The following LTF variants were observed in gnomAD, a reference collection of about 807,000 sequenced individuals.
LTF encodes the protein lactotransferrin, also known as epididymis luminal protein 110.
Under a neutral mutation model 87.2 loss-of-function variants are expected in LTF, and 91 were observed. The ratio of observed to expected loss-of-function variants is 1.04; its 90% CI spans 0.88 to 1.24. The LOEUF (loss-of-function observed/expected upper bound fraction) is 1.24, where lower values mean the gene tolerates loss of function less well. Among genes scored for constraint, LTF ranks in the 50% most tolerant of loss-of-function variants. The pLI is 0.00. For synonymous variants in LTF, 378 were observed against 356.1 expected (o/e 1.06, Z -0.69); for missense variants, 901 against 904.3 (o/e 1.00, Z 0.05).
In LTF at chr3:46,481,746, G is replaced by A. The variant is rs370011899; in HGVS notation, c.-320+3240C>T. On this transcript the variant is annotated intron_variant, in intron 1 of 19. Transcript: ENST00000443496. ...AGCCTGGGAGACAGAGCAAGACTCC[G>A]TCAAAACAAAATAAAACAAAACTAA... 2.4e-4 allele frequency among the ~76,000 whole-genome samples: 36 copies of A among 152,256 alleles called. No individual in the cohort carries two copies. The East Asian group carries it at 2.7e-3, about 11-fold the overall frequency.
In LTF at chr3:46,454,499, G is replaced by T. The variant is rs966442843; in HGVS notation, c.648-139C>A. 1.8e-5 allele frequency: 14 copies of T among 790,954 alleles called. No individual in the cohort carries two copies. In the African/African-American group the frequency reaches 2.4e-4, roughly 14 times the overall value. 49.0% of individuals were successfully genotyped at this position (790,954 alleles called of 1,614,324 possible). A position where few individuals can be genotyped will look rare whatever the true frequency, so the allele number is the denominator to read the frequency against. ...GGCTCTGAAGCTTTGGGGCATCCCA[G>T]CTGGGAAGGTAGGGGCCCCCTCCAG... On this transcript the variant is annotated intron_variant, in intron 5 of 16. Coordinates refer to ENST00000231751, the MANE Select transcript of LTF (RefSeq NM_002343.6).
At chr3:46,450,400 C>A (rs1575314007) in intron 7 of LTF, 95 bp downstream of exon 7, 2 of 1,339,404 alleles carry the variant, frequency 1.5e-6, no homozygotes, top group East Asian at 5.0e-5. Context: ...AGCAAAGCTA[C>A]AGGACTTCTG....
chr3:46,448,714 C>T (rs1702719197), intron 9 of LTF, 149 bp downstream of exon 9: 1 of 848,288 alleles, frequency 1.2e-6, no homozygotes. Flanking sequence ...AACTAAAATG[C>T]TTTCTGGCCC....
intron 14 of LTF, among the ~76,000 whole-genome samples, chr3:46,440,205 A>T (rs1370582803): frequency 6.6e-6 from 1 of 152,120 alleles, no homozygotes; most frequent in Admixed American, 6.5e-5. Flanking sequence ...TAGAGTTCTT[A>T]TTTTTTTAAA....
At position 46,464,308 on chromosome 3, in the gene LTF, C is replaced by T. The variant is rs147123155; in HGVS notation, c.43+517G>A. Among the ~76,000 whole-genome samples, 6 of 152,308 alleles carry T rather than the reference C, an allele frequency of 3.9e-5. 1 individual carries two copies. Among genetic ancestry groups the T allele is most frequent in the South Asian group, 2.1e-4 (1 of 4,830 alleles). ...CACCGCACCCCTCCACAACCCTCTG[C>T]CACGGAAGGTGTGCGAATGCCCCAT... On this transcript the variant is annotated intron_variant, in intron 1 of 16. Transcript: ENST00000231751.
intron 15 of LTF, 62 bp from the exon 16 acceptor site, chr3:46,438,191 G>A (rs1702432390): frequency 6.6e-6 from 9 of 1,362,692 alleles, no homozygotes; most frequent in Non-Finnish European, 9.3e-6. Flanking sequence ...GTTAAAGGAG[G>A]CAAAGGGGTA....
chr3:46,446,936 G>A (rs1375773260), intron 10 of LTF, among the ~76,000 whole-genome samples: 1 of 152,222 alleles, frequency 6.6e-6, no homozygotes, highest in Non-Finnish European at 1.5e-5. Context: ...GCAGGAGTAA[G>A]GGGGCGGGGG....
chr3:46,439,224 T>C (rs1702455723), intron 15 of LTF, 72 bp downstream of exon 15: 2 of 1,443,400 alleles, frequency 1.4e-6, no homozygotes, highest in Non-Finnish European at 1.9e-6. Flanking sequence ...CTGGTGCACC[T>C]AGCTCTGTGA....
At chr3:46,474,689 C>T (rs1283734202) in intron 1 of LTF, among the ~76,000 whole-genome samples, 4 of 152,118 alleles carry the variant, frequency 2.6e-5, no homozygotes, top group Non-Finnish European at 5.9e-5. Context: ...CCAAGATAGA[C>T]CATTTCCTGG....
At chr3:46,454,117 T>G in intron 6 of LTF, 188 bp downstream of exon 6, 1 of 614,086 alleles carries the variant, frequency 1.6e-6, no homozygotes, top group East Asian at 2.7e-5. Context: ...AGAAAGGCAG[T>G]AGGCACAGGA....
At chr3:46,477,613 G>A (rs1023928895) in intron 1 of LTF, among the ~76,000 whole-genome samples, 1 of 152,190 alleles carries the variant, frequency 6.6e-6, no homozygotes, top group Non-Finnish European at 1.5e-5. Flanking sequence ...TCATAAAATT[G>A]TTAGAACTTA....
At chr3:46,480,090 C>A (rs1703413817) in intron 1 of LTF, among the ~76,000 whole-genome samples, 1 of 152,178 alleles carries the variant, frequency 6.6e-6, no homozygotes, top group Non-Finnish European at 1.5e-5. Context: ...CATGGTAAGA[C>A]TGACAGACCC....
intron 8 of LTF, among the ~76,000 whole-genome samples, chr3:46,449,348 G>C (rs1354542349): frequency 5.9e-5 from 9 of 152,182 alleles, no homozygotes; most frequent in Admixed American, 5.9e-4. Flanking sequence ...ACAGTCCCAA[G>C]AGATGGCCTA....
rs139737053 is a variant in LTF at position 46,443,487 on chromosome 3, C to T, written c.1609G>A (p.Val537Met). The T allele has an allele frequency of 1.0e-4, 166 of 1,614,178 alleles. No individual in the cohort carries two copies. In the African/African-American group the frequency reaches 1.6e-3, roughly 15 times the overall value. ...IGDEQGENKC[V>M]PNSNERYYGY... Reference sequence around the variant, plus strand: ...TAGTATCTCTCGTTGCTGTTGGGCACGCACTTATTCTCACCCTGCTCGTCG... The same window carrying T: ...TAGTATCTCTCGTTGCTGTTGGGCATGCACTTATTCTCACCCTGCTCGTCG... Residue 537 changes from valine to methionine, a missense_variant, in exon 13 of 17, where the codon GTG (valine) becomes ATG (methionine). Transcript: ENST00000231751.
intron 1 of LTF, among the ~76,000 whole-genome samples, chr3:46,471,390 G>A (rs1703284348): frequency 6.6e-6 from 1 of 152,200 alleles, no homozygotes; most frequent in South Asian, 2.1e-4. Flanking sequence ...GCCTGCCATA[G>A]GGAGGGGCTC....
At chr3:46,453,365 G>A (rs548976564) in intron 6 of LTF, among the ~76,000 whole-genome samples, 2 of 152,358 alleles carry the variant, frequency 1.3e-5, no homozygotes, top group South Asian at 4.1e-4. Context: ...CTTGCAGAGT[G>A]TCATTCCAGA....
Position 46,450,001 on chromosome 3 carries a change from T to C in LTF, c.910A>G (p.Lys304Glu). ...CTAGGGGAGCCAAAGAGCTGGAATT[T>C]CGGTGACTTGTCCTTTCCAAACTTT... ...QEKFGKDKSP[K>E]FQLFGSPSGQ... Residue 304 changes from lysine to glutamate, a missense_variant, in exon 8 of 17, where the codon AAA (lysine) becomes GAA (glutamate). Physicochemically the swap from Lys to Glu is moderately conservative, Grantham distance 56 (BLOSUM62 1). Transcript: ENST00000231751. 6.2e-7 allele frequency: 1 copy of C among 1,609,046 alleles called. No homozygotes were observed. Among genetic ancestry groups the C allele is most frequent in the South Asian group, 1.1e-5 (1 of 90,264 alleles).
At chr3:46,457,350 G>A (rs1368396373) in intron 2 of LTF, among the ~76,000 whole-genome samples, 1 of 152,152 alleles carries the variant, frequency 6.6e-6, no homozygotes, top group East Asian at 1.9e-4. Flanking sequence ...CCAATGTTTA[G>A]CATTTAAGTT....
chr3:46,477,760 T>C (rs891031984), intron 1 of LTF, among the ~76,000 whole-genome samples: 1 of 152,222 alleles, frequency 6.6e-6, no homozygotes, highest in African/African-American at 2.4e-5. Flanking sequence ...GGCCAAACCA[T>C]ACAGTGAAAA....
Sources: allele counts gnomAD v4.1 joint callset (sites outside exome capture counted in the v4.1 genomes callset), GRCh38; gene constraint gnomAD v4.1.1; transcripts MANE v1.5; gene names NCBI Gene and HGNC (gene_info 2026-07-23, HGNC 2026-07-21).